FNBP4: variants seen among roughly 807,000 people sequenced by gnomAD.
FNBP4 encodes formin binding protein 4, also known as formin-binding protein 4.
A neutral mutation model predicts 119.3 loss-of-function variants in FNBP4; 34 were observed. That is an observed-to-expected ratio of 0.28 (90% confidence interval 0.22 to 0.38). The LOEUF is 0.38. FNBP4 is among the 10% of genes least tolerant of loss of function. The pLI is 1.00. For missense variants in FNBP4, 1,112 were observed against 1,228.9 expected (o/e 0.90, Z 1.42); for synonymous variants, 462 against 430.6 (o/e 1.07, Z -0.90).
Position 47,754,538 on chromosome 11 carries a change from T to A in FNBP4, c.440A>T (p.Asn147Ile). Residue 147 changes from asparagine (N) to isoleucine (I), a missense_variant, in exon 3 of 17, where the codon AAC becomes ATC. By Grantham distance (149) the Asn-to-Ile change is moderately radical. This residue lies in a region of FNBP4 where 286 missense variants were observed against 240.1 expected (regional missense o/e 1.19). Transcript: ENST00000263773. ...GAAAGCACCACTAACCGCTAGGAAGTTGGCCAATGTACTATCAATATCAGT... is the reference window on the plus strand; with the variant it reads ...GAAAGCACCACTAACCGCTAGGAAGATGGCCAATGTACTATCAATATCAGT... ...QSTDIDSTLA[N>I]FLAEIDAITA... 6.2e-7 allele frequency: 1 copy of A among 1,613,208 alleles called. No homozygotes were observed.
chr11:47,765,399 GAA>G (rs746401301), intron 1 of FNBP4, 37 bp from the exon 2 acceptor site: 43 of 1,345,840 alleles, frequency 3.2e-5, no homozygotes, highest in Middle Eastern at 4.1e-4. Flanking sequence ...GAAAAGAAAA[GAA>G]AAGAAAAGAA....
chr11:47,720,180 A>T, intron 15 of FNBP4, 94 bp from the exon 16 acceptor site: 1 of 1,165,168 alleles, frequency 8.6e-7, no homozygotes, highest in Non-Finnish European at 1.2e-6. Flanking sequence ...TCCCAGTTCT[A>T]AAGAATATGC....
chr11:47,738,233 A>G (rs1415452975), intron 8 of FNBP4, among the ~76,000 whole-genome samples: 3 of 152,136 alleles, frequency 2.0e-5, no homozygotes, highest in African/African-American at 7.2e-5. Context: ...ACACCTGCAT[A>G]CTCAAACTAA....
chr11:47,749,299 C>A (rs372269725), intron 6 of FNBP4, among the ~76,000 whole-genome samples: 1 of 103,318 alleles, frequency 9.7e-6, no homozygotes, highest in Non-Finnish European at 2.0e-5. Context: ...AGGAAAGGTG[C>A]GGTGGCTTGT....
At chr11:47,722,910 G>A in intron 15 of FNBP4, 66 bp downstream of exon 15, 8 of 1,419,318 alleles carry the variant, frequency 5.6e-6, no homozygotes, top group East Asian at 2.5e-5. Flanking sequence ...ATAATTTCAT[G>A]TTATGTGAAT....
rs758293955 is a variant in FNBP4, at chr11:47,767,314, C to T, written c.-26G>A. The T allele has an allele frequency of 2.9e-5, 42 of 1,457,146 alleles. No homozygotes were observed. The East Asian group carries it at 1.1e-3, about 37-fold the overall frequency. 90.3% of individuals were successfully genotyped at this position (1,457,146 alleles called of 1,614,324 possible). A position where few individuals can be genotyped will look rare whatever the true frequency, so the allele number is the denominator to read the frequency against. ...CGCGAGCCCAAGCGCGAGCAGAGAG[C>T]GTCGGGCGGCCGAGAGGGGCGGGCA... On this transcript the variant is annotated 5_prime_UTR_variant, in exon 1 of 17. Coordinates refer to ENST00000263773, the MANE Select transcript of FNBP4 (RefSeq NM_015308.5).
chr11:47,758,571 A>T (rs937688164), intron 2 of FNBP4, among the ~76,000 whole-genome samples: 18 of 151,784 alleles, frequency 1.2e-4, no homozygotes, highest in Non-Finnish European at 1.9e-4. Context: ...AGATATTTAC[A>T]TGGACGTTTG....
intron 6 of FNBP4, among the ~76,000 whole-genome samples, chr11:47,748,966 T>C (rs986958859): frequency 6.6e-6 from 1 of 152,016 alleles, no homozygotes; most frequent in African/African-American, 2.4e-5. Flanking sequence ...TATTTTAAAG[T>C]ATTTTTTTTG....
At chr11:47,725,470 A>G (rs896470133) in intron 12 of FNBP4, 1 of 152,228 alleles carries the variant, frequency 6.6e-6, no homozygotes, top group Non-Finnish European at 1.5e-5. Flanking sequence ...TTCATTTGTG[A>G]TATCACAGAG....
intron 8 of FNBP4, among the ~76,000 whole-genome samples, chr11:47,739,860 C>A (rs892220495): frequency 1.3e-5 from 2 of 152,142 alleles, no homozygotes; most frequent in Non-Finnish European, 2.9e-5. Context: ...CTCACCACAA[C>A]CTCCATCTCC....
chr11:47,739,956 TTTTG>T lies in FNBP4; in HGVS notation c.1457-3220_1457-3217del, dbSNP rs148271316. On this transcript the variant is annotated intron_variant, in intron 8 of 16. Coordinates refer to ENST00000263773, the MANE Select transcript of FNBP4 (RefSeq NM_015308.5). ...ACCACGCCCGGCTAGTTTTATGTATTTTTGTTTGTTTGTTTGTTTGTTTAGTAGA... is the reference window on the plus strand; with the variant it reads ...ACCACGCCCGGCTAGTTTTATGTATTTTTGTTTGTTTGTTTGTTTAGTAGA... Among the ~76,000 whole-genome samples, 126 of 150,740 alleles carry T rather than the reference TTTTG, an allele frequency of 8.4e-4. 2 individuals are homozygous for T. In the East Asian group the frequency reaches 0.022, roughly 27 times the overall value.
At chr11:47,721,306 A>G (rs2097555421) in intron 15 of FNBP4, among the ~76,000 whole-genome samples, 1 of 151,882 alleles carries the variant, frequency 6.6e-6, no homozygotes, top group Admixed American at 6.6e-5. Context: ...TAAAACATCA[A>G]TGGGGCGAGG....
At chr11:47,762,662 C>T (rs2097638106) in intron 2 of FNBP4, among the ~76,000 whole-genome samples, 1 of 151,954 alleles carries the variant, frequency 6.6e-6, no homozygotes, top group South Asian at 2.1e-4. Context: ...CGTTTAATCC[C>T]AGCACTTTGG....
At chr11:47,762,737 C>T (rs767676651) in intron 2 of FNBP4, among the ~76,000 whole-genome samples, 1 of 150,820 alleles carries the variant, frequency 6.6e-6, no homozygotes, top group Admixed American at 6.6e-5. Flanking sequence ...ACATGGTGAA[C>T]CGTCTCTACT....
At position 47,732,427 on chromosome 11, in the gene FNBP4, G is replaced by A; in HGVS notation, c.1820+110C>T. ...CTTTGCCTGCCCAGCACCGCTAACT[G>A]CAGCTGCTCTCAGTCTCCAGACAGG... On this transcript the variant is annotated intron_variant, in intron 11 of 16. Transcript: ENST00000263773. The surrounding 1 kb of genome is among the most constrained non-coding windows in gnomAD (Gnocchi z 4.2). 6.4e-7 allele frequency: 1 copy of A among 1,559,670 alleles called. No individual in the cohort carries two copies.
At position 47,740,329 on chromosome 11, in the gene FNBP4, T is replaced by C. The variant is rs540578873; in HGVS notation, c.1457-3589A>G. Among the ~76,000 whole-genome samples the C allele has an allele frequency of 4.4e-4, 65 of 147,076 alleles. 1 individual carries two copies. The highest frequency in any genetic ancestry group is 1.7e-3 in the African/African-American group (63 of 37,828). On this transcript the variant is annotated intron_variant, in intron 8 of 16. Coordinates refer to ENST00000263773, the MANE Select transcript of FNBP4 (RefSeq NM_015308.5). ...ACTCGGGAGGCTGAGATAGAACTGCTTGTACCCGGGAGGTGGAAGTTGCAG... is the reference window on the plus strand; with the variant it reads ...ACTCGGGAGGCTGAGATAGAACTGCCTGTACCCGGGAGGTGGAAGTTGCAG...
At chr11:47,762,406 C>T (rs761604681) in intron 2 of FNBP4, among the ~76,000 whole-genome samples, 158 of 152,152 alleles carry the variant, frequency 1.0e-3, no homozygotes, top group African/African-American at 3.4e-3. Context: ...GAATTACACG[C>T]GTGAACCACC....
At position 47,724,466 on chromosome 11, in the gene FNBP4, A is replaced by T; in HGVS notation, c.2319+2T>A. 6.2e-7 allele frequency: 1 copy of T among 1,614,198 alleles called. No homozygotes were observed. Among genetic ancestry groups the T allele is most frequent in the Non-Finnish European group, 8.5e-7 (1 of 1,180,016 alleles). Reference sequence around the variant, plus strand: ...CTCAGAATGCCAAAGGGAATTACTTACCTGGCTAGTTACAACTGTGGTTTG... The same window carrying T: ...CTCAGAATGCCAAAGGGAATTACTTTCCTGGCTAGTTACAACTGTGGTTTG... On this transcript the variant is annotated splice_donor_variant, in intron 13 of 16. Transcript: ENST00000263773. LOFTEE classifies it high-confidence loss of function.
chr11:47,731,471 T>C lies in FNBP4; in HGVS notation c.1911A>G (p.Gln637=), dbSNP rs756309069. ...GAGTCTCATCTCTATTTTCTTGTGC[T>C]TGGCTTTCTTCTTCTTCCTCTTCAC... ...PDGEEEEEES[Q]AQENRDETLA... Residue 637 remains glutamine (Q), a synonymous_variant, in exon 12 of 17, where the codon CAA becomes CAG. Transcript: ENST00000263773. 6.2e-7 allele frequency: 1 copy of C among 1,614,128 alleles called. No homozygotes were observed. Among genetic ancestry groups the C allele is most frequent in the Admixed American group, 1.7e-5 (1 of 59,998 alleles).
Sources: allele counts gnomAD v4.1 joint callset (sites outside exome capture counted in the v4.1 genomes callset), GRCh38; gene constraint gnomAD v4.1.1; regional missense constraint gnomAD v4.1.1; non-coding constraint Gnocchi (gnomAD v3.1); transcripts MANE v1.5; gene names NCBI Gene and HGNC (gene_info 2026-07-23, HGNC 2026-07-21).